Variants in CCDC192 observed in about 807,000 individuals in gnomAD.
The protein encoded by CCDC192 is coiled-coil domain-containing protein 192.
At chr5:127,837,645 A>C (rs1750084963) in intron 5 of CCDC192, among the ~76,000 whole-genome samples, 1 of 152,232 alleles carries the variant, frequency 6.6e-6, no homozygotes, top group African/African-American at 2.4e-5. Flanking sequence ...GGAAATTGGC[A>C]CCATTTGTCT....
intron 3 of CCDC192, among the ~76,000 whole-genome samples, chr5:127,791,388 T>A (rs1206583202): frequency 6.6e-6 from 1 of 152,206 alleles, no homozygotes; most frequent in Non-Finnish European, 1.5e-5. Flanking sequence ...TAAGTAACAC[T>A]TAAAATAAAA....
At chr5:127,703,840 G>T (rs1413165917) in intron 1 of CCDC192, among the ~76,000 whole-genome samples, 2 of 152,164 alleles carry the variant, frequency 1.3e-5, no homozygotes, top group Non-Finnish European at 2.9e-5. Context: ...CCTTCTTTCA[G>T]TTGAAAGGAA....
chr5:127,879,185 T>C (rs1166720091), intron 6 of CCDC192, among the ~76,000 whole-genome samples: 2 of 152,068 alleles, frequency 1.3e-5, no homozygotes, highest in Non-Finnish European at 2.9e-5. Context: ...GACTTCAAAC[T>C]ATACTACAAG....
intron 2 of CCDC192, among the ~76,000 whole-genome samples, chr5:127,722,461 T>C (rs1441485076): frequency 6.6e-6 from 1 of 152,222 alleles, no homozygotes; most frequent in Non-Finnish European, 1.5e-5. Flanking sequence ...CTTTTTAATG[T>C]CATGTGATCC....
chr5:127,808,027 T>C (rs998903071), intron 5 of CCDC192, among the ~76,000 whole-genome samples: 23 of 152,058 alleles, frequency 1.5e-4, no homozygotes, highest in African/African-American at 5.1e-4. Flanking sequence ...CAGGTTATTA[T>C]TGAGGACATT....
chr5:127,752,888 C>A (rs372176721), intron 2 of CCDC192, among the ~76,000 whole-genome samples: 1 of 152,174 alleles, frequency 6.6e-6, no homozygotes, highest in Admixed American at 6.5e-5. Context: ...AGGTGCCGTT[C>A]GTCACCCCTT....
intron 5 of CCDC192, among the ~76,000 whole-genome samples, chr5:127,835,190 C>G (rs190889181): frequency 1.9e-4 from 29 of 152,240 alleles, no homozygotes; most frequent in African/African-American, 6.5e-4. Context: ...TCAAATTTTA[C>G]AGGAAATTTA....
chr5:127,872,638 C>G (rs1232154159), intron 5 of CCDC192, among the ~76,000 whole-genome samples: 3 of 152,166 alleles, frequency 2.0e-5, no homozygotes, highest in African/African-American at 7.2e-5. Flanking sequence ...CAGGATGCAT[C>G]CTATCCTGTT....
At chr5:127,856,152 G>C (rs1751082923) in intron 5 of CCDC192, among the ~76,000 whole-genome samples, 1 of 152,162 alleles carries the variant, frequency 6.6e-6, no homozygotes. Flanking sequence ...GTTTAGTGTA[G>C]CCACTTTAAT....
At chr5:127,917,726 A>C (rs1412231044) in intron 6 of CCDC192, among the ~76,000 whole-genome samples, 1 of 152,224 alleles carries the variant, frequency 6.6e-6, no homozygotes, top group African/African-American at 2.4e-5. Flanking sequence ...CAACGGTAAC[A>C]TCAAAGATCA....
chr5:127,782,191 T>C (rs1756266487), intron 3 of CCDC192, among the ~76,000 whole-genome samples: 1 of 152,208 alleles, frequency 6.6e-6, no homozygotes, highest in African/African-American at 2.4e-5. Flanking sequence ...GGATTATCTT[T>C]TTGATATGGT....
intron 5 of CCDC192, among the ~76,000 whole-genome samples, chr5:127,847,478 C>G (rs1368038673): frequency 6.6e-6 from 1 of 152,078 alleles, no homozygotes; most frequent in Non-Finnish European, 1.5e-5. Flanking sequence ...CCCAGTATGT[C>G]CATATTTAAT....
intron 5 of CCDC192, among the ~76,000 whole-genome samples, chr5:127,869,671 CTATT>C (rs141397340): frequency 0.01 from 1,535 of 152,282 alleles, 19 homozygotes; most frequent in African/African-American, 0.032. Context: ...TATCTAATAA[CTATT>C]TATTTATCCT....
chr5:127,816,109 G>C (rs181907540), intron 5 of CCDC192, among the ~76,000 whole-genome samples: 130 of 152,266 alleles, frequency 8.5e-4, no homozygotes, highest in African/African-American at 2.9e-3. Context: ...ATGAGGAGGG[G>C]AGGGGCTTAT....
At chr5:127,761,764 T>A (rs992106744) in intron 3 of CCDC192, among the ~76,000 whole-genome samples, 1 of 152,178 alleles carries the variant, frequency 6.6e-6, no homozygotes, top group Non-Finnish European at 1.5e-5. Flanking sequence ...ATTCTTCAGG[T>A]ATATTTATGT....
At chr5:127,719,524 T>TATATATATACAC (rs1561444898) in intron 2 of CCDC192, among the ~76,000 whole-genome samples, 30 of 88,210 alleles carry the variant, frequency 3.4e-4, no homozygotes, top group East Asian at 2.3e-3. Context: ...TATATATATA[T>TATATATATACAC]ACACACATAC....
intron 3 of CCDC192, among the ~76,000 whole-genome samples, chr5:127,755,759 A>G (rs1290682195): frequency 6.6e-6 from 1 of 151,048 alleles, no homozygotes; most frequent in East Asian, 1.9e-4. Flanking sequence ...AAGGGCACCC[A>G]TGCTGGGATT....
intron 5 of CCDC192, among the ~76,000 whole-genome samples, chr5:127,808,664 C>G (rs1757924187): frequency 6.6e-6 from 1 of 152,174 alleles, no homozygotes; most frequent in Non-Finnish European, 1.5e-5. Flanking sequence ...TACTTACTTT[C>G]AACAACTGGC....
At chr5:127,899,778 CA>C (rs1168547207) in intron 6 of CCDC192, among the ~76,000 whole-genome samples, 1 of 152,150 alleles carries the variant, frequency 6.6e-6, no homozygotes, top group Non-Finnish European at 1.5e-5. Flanking sequence ...AAACAACCTG[CA>C]TGTTTATCTT....
Sources: allele counts gnomAD v4.1 joint callset (sites outside exome capture counted in the v4.1 genomes callset), GRCh38; gene constraint gnomAD v4.1.1; transcripts MANE v1.5; gene names NCBI Gene and HGNC (gene_info 2026-07-23, HGNC 2026-07-21).